The following CNTNAP4 variants were observed in gnomAD, a reference collection of about 807,000 sequenced individuals.
CNTNAP4 encodes the protein contactin-associated protein-like 4.
A neutral mutation model predicts 148.4 loss-of-function variants in CNTNAP4; 98 were observed. The ratio of observed to expected loss-of-function variants is 0.66; its 90% confidence interval spans 0.56 to 0.78. CNTNAP4 has a LOEUF of 0.78. Among genes scored for constraint, CNTNAP4 ranks in the 30% least tolerant of loss-of-function variants. The pLI is 0.00. For synonymous variants in CNTNAP4, 730 were observed against 565.1 expected (o/e 1.29, Z -4.14); for missense variants, 1,935 against 1,565.6 (o/e 1.24, Z -3.98).
At chr16:76,345,220 T>A (rs371876113) in intron 2 of CNTNAP4, among the ~76,000 whole-genome samples, 2 of 152,176 alleles carry the variant, frequency 1.3e-5, no homozygotes, top group African/African-American at 4.8e-5. Context: ...TTGCCACTTA[T>A]CAGGAAGAAT....
At position 76,547,927 on chromosome 16, in the gene CNTNAP4, A is replaced by G. The variant is rs541380195; in HGVS notation, c.3443-5356A>G. 3.3e-5 allele frequency among the ~76,000 whole-genome samples: 5 copies of G among 152,332 alleles called. 1 individual carries two copies. The East Asian group carries it at 9.7e-4, about 29-fold the overall frequency. On this transcript the variant is annotated intron_variant, in intron 21 of 23. Coordinates refer to ENST00000611870, the MANE Select transcript of CNTNAP4 (RefSeq NM_033401.5). ...AAACCAGCTTCGAAGCCAAAGGGGT[A>G]AAAAAGAAAGTTTAATTAGCTTACC...
chr16:76,552,302 C>G (rs1330588999), intron 21 of CNTNAP4, among the ~76,000 whole-genome samples: 3 of 152,104 alleles, frequency 2.0e-5, no homozygotes, highest in Non-Finnish European at 4.4e-5. Flanking sequence ...GATTACAATT[C>G]AAGATGAGAT....
intron 17 of CNTNAP4, among the ~76,000 whole-genome samples, chr16:76,523,171 A>G (rs2083561052): frequency 6.6e-6 from 1 of 152,004 alleles, no homozygotes; most frequent in Admixed American, 6.6e-5. Context: ...TGTTCTCAGA[A>G]TTGTTGAGGA....
chr16:76,352,491 T>A (rs1047192310), intron 2 of CNTNAP4, among the ~76,000 whole-genome samples: 5 of 152,156 alleles, frequency 3.3e-5, no homozygotes, highest in Non-Finnish European at 5.9e-5. Context: ...TCCTGACCTA[T>A]GAGAGGCACT....
intron 4 of CNTNAP4, among the ~76,000 whole-genome samples, chr16:76,434,250 C>T (rs2079730320): frequency 6.6e-6 from 1 of 151,924 alleles, no homozygotes; most frequent in Non-Finnish European, 1.5e-5. Flanking sequence ...TAAGGTCTCT[C>T]CAAATAAGAT....
chr16:76,344,511 G>A (rs1964747169), intron 2 of CNTNAP4, among the ~76,000 whole-genome samples: 1 of 151,902 alleles, frequency 6.6e-6, no homozygotes, highest in Non-Finnish European at 1.5e-5. Flanking sequence ...ATATCTTACA[G>A]TACTACTACG....
chr16:76,450,989 T>C (rs1416491477), intron 7 of CNTNAP4, among the ~76,000 whole-genome samples: 1 of 152,168 alleles, frequency 6.6e-6, no homozygotes, highest in East Asian at 1.9e-4. Flanking sequence ...ATTTTCAGCC[T>C]AGGAGGGTTG....
rs957469398 is a variant in CNTNAP4, at chr16:76,500,948, C to T, written c.2365+2254C>T. Among the ~76,000 whole-genome samples, 5 of 152,192 alleles carry T rather than the reference C, an allele frequency of 3.3e-5. 1 individual carries two copies. In the East Asian group the frequency reaches 9.6e-4, roughly 29 times the overall value. On this transcript the variant is annotated intron_variant, in intron 15 of 23. Transcript: ENST00000611870. ...GATGAAATATTTGTTTACATTAACA[C>T]CACGCCTTAAAATAAAATTTTATGC... is the stretch of plus-strand genomic sequence containing the variant.
At chr16:76,402,498 A>G (rs2078455020) in intron 3 of CNTNAP4, among the ~76,000 whole-genome samples, 2 of 152,032 alleles carry the variant, frequency 1.3e-5, no homozygotes, top group South Asian at 2.1e-4. Flanking sequence ...TACTAATTAA[A>G]AAACAACCTC....
chr16:76,507,841 C>T (rs1464792890), intron 15 of CNTNAP4, among the ~76,000 whole-genome samples: 1 of 97,554 alleles, frequency 1.0e-5, no homozygotes, highest in African/African-American at 2.6e-5. Context: ...TCTTGCAACA[C>T]AAAGGGAGTT....
intron 2 of CNTNAP4, among the ~76,000 whole-genome samples, chr16:76,319,643 A>T (rs1396871854): frequency 1.3e-5 from 2 of 152,166 alleles, no homozygotes; most frequent in African/African-American, 2.4e-5. Context: ...TGGTGTCCTT[A>T]TAAGGAGTGT....
chr16:76,328,356 A>G (rs538863217), intron 2 of CNTNAP4, among the ~76,000 whole-genome samples: 132 of 152,332 alleles, frequency 8.7e-4, no homozygotes, highest in Non-Finnish European at 1.6e-3. Context: ...CTTCTACACA[A>G]TACCTGACCA....
At chr16:76,437,703 A>G (rs62052987) in intron 4 of CNTNAP4, among the ~76,000 whole-genome samples, 51,817 of 152,064 alleles carry the variant, frequency 0.34, 10,839 homozygotes, top group Non-Finnish European at 0.44. Flanking sequence ...TAATTTTCCT[A>G]TGTAACTTGA....
intron 13 of CNTNAP4, among the ~76,000 whole-genome samples, chr16:76,491,322 G>A (rs1425059408): frequency 6.6e-6 from 1 of 152,206 alleles, no homozygotes; most frequent in East Asian, 1.9e-4. Context: ...GTGTGGGTGT[G>A]TTTCTCATTG....
chr16:76,479,867 C>A (rs755069936), intron 12 of CNTNAP4, among the ~76,000 whole-genome samples: 3 of 151,986 alleles, frequency 2.0e-5, no homozygotes, highest in Non-Finnish European at 4.4e-5. Context: ...TGTATGTAAA[C>A]ATAAAGTTTA....
At position 76,540,491 on chromosome 16, in the gene CNTNAP4, C is replaced by A. The variant is rs72799057; in HGVS notation, c.3355-212C>A. On this transcript the variant is annotated intron_variant, in intron 20 of 23. Coordinates refer to ENST00000611870, the MANE Select transcript of CNTNAP4 (RefSeq NM_033401.5). ...ATCTGAGGGTAGTATAGAAATAATACTAATATTGTATTATATATTAATAAT... is the reference window on the plus strand; with the variant it reads ...ATCTGAGGGTAGTATAGAAATAATAATAATATTGTATTATATATTAATAAT... Among the ~76,000 whole-genome samples, 389 of 151,160 alleles carry A rather than the reference C, an allele frequency of 2.6e-3. 3 individuals are homozygous for A. Among genetic ancestry groups the A allele is most frequent in the African/African-American group, 9.0e-3 (372 of 41,330 alleles).
intron 2 of CNTNAP4, among the ~76,000 whole-genome samples, chr16:76,344,860 T>C (rs568258114): frequency 1.1e-4 from 16 of 152,322 alleles, no homozygotes; most frequent in Middle Eastern, 6.8e-3. Context: ...TTTTCCAAAA[T>C]GGCAGTGGGT....
rs184823208 is a variant in CNTNAP4, at chr16:76,499,478, A to C, written c.2365+784A>C. ...ATTTGGTAATTCAGCCAGACTTCCTACTAATTTATTACAACGCTGTTTATT... is the reference window on the plus strand; with the variant it reads ...ATTTGGTAATTCAGCCAGACTTCCTCCTAATTTATTACAACGCTGTTTATT... On this transcript the variant is annotated intron_variant, in intron 15 of 23. Coordinates refer to ENST00000611870, the MANE Select transcript of CNTNAP4 (RefSeq NM_033401.5). 6.5e-3 allele frequency among the ~76,000 whole-genome samples: 993 copies of C among 152,066 alleles called. 26 individuals carry two copies. The East Asian group carries it at 0.088, about 14-fold the overall frequency.
chr16:76,418,706 G>T (rs1277688373), intron 3 of CNTNAP4, among the ~76,000 whole-genome samples: 1 of 138,780 alleles, frequency 7.2e-6, no homozygotes, highest in African/African-American at 2.7e-5. Flanking sequence ...TCTGATAATT[G>T]TTTTGTCTCT....
Sources: gnomAD v4.1 joint callset for allele counts (sites outside exome capture counted in the v4.1 genomes callset) on GRCh38, gnomAD v4.1.1 for gene constraint, MANE v1.5 for transcripts, NCBI Gene and HGNC (gene_info 2026-07-23, HGNC 2026-07-21) for gene names.